Variants in DCLK2 observed in about 807,000 individuals in gnomAD.
The protein encoded by DCLK2 is serine/threonine-protein kinase DCLK2.
In DCLK2, 31 loss-of-function variants were observed where a neutral mutation model predicts 78.4. The ratio of observed to expected loss-of-function variants is 0.40; its 90% CI spans 0.30 to 0.53. DCLK2 has a LOEUF of 0.53. Among genes scored for constraint, DCLK2 ranks in the 20% least tolerant of loss-of-function variants. DCLK2 has a pLI of 0.61. For missense variants in DCLK2, 872 were observed against 973.7 expected (o/e 0.90, Z 1.39); for synonymous variants, 407 against 374.9 (o/e 1.09, Z -0.99).
intron 1 of DCLK2, among the ~76,000 whole-genome samples, chr4:150,085,709 C>T (rs1254586417): frequency 1.3e-5 from 2 of 152,176 alleles, no homozygotes; most frequent in Admixed American, 6.5e-5. Flanking sequence ...CCCCTTCTAG[C>T]ATGTGAGGAT....
In DCLK2 at chr4:150,101,563, A is replaced by G. The variant is rs138800932; in HGVS notation, c.422-915A>G. On this transcript the variant is annotated intron_variant, in intron 1 of 15. Coordinates refer to ENST00000296550, the MANE Select transcript of DCLK2 (RefSeq NM_001040260.4). ...AGAAAAACCTTAGTATAACCCTCTT[A>G]TCTTGTATGTCAAAAAGTCAAGAGT... Among the ~76,000 whole-genome samples, 1,024 of 152,212 alleles carry G rather than the reference A, an allele frequency of 6.7e-3. 11 individuals carry two copies. Among genetic ancestry groups the G allele is most frequent in the Middle Eastern group, 0.042 (12 of 288 alleles).
chr4:150,088,120 G>T (rs1460172628), intron 1 of DCLK2, among the ~76,000 whole-genome samples: 1 of 152,130 alleles, frequency 6.6e-6, no homozygotes, highest in African/African-American at 2.4e-5. Context: ...TGATGTCCTT[G>T]CTCATCATCT....
At chr4:150,104,394 T>TAAAAAAAAAAAA (rs34276664) in intron 2 of DCLK2, among the ~76,000 whole-genome samples, 433 of 29,744 alleles carry the variant, frequency 0.015, 54 homozygotes, top group Non-Finnish European at 0.018. Context: ...CCACATCTCC[T>TAAAAAAAAAAAA]AAAAAAAAAA....
rs975956034 is a variant in DCLK2, at chr4:150,257,361, A to G, written c.*1114A>G. The G allele has an allele frequency of 2.0e-5, 3 of 152,608 alleles. No homozygotes were observed. The highest frequency in any genetic ancestry group is 4.8e-5 in the African/African-American group (2 of 41,452). 9.5% of individuals were successfully genotyped at this position (152,608 alleles called of 1,614,324 possible). ...CTCATCTTCTAAACTGGCGAGCCCT[A>G]TAGTTCGTTCTCATTGTTAGATTTT... On this transcript the variant is annotated 3_prime_UTR_variant, in exon 16 of 16. Transcript: ENST00000296550.
chr4:150,156,167 G>A (rs1203841734), intron 2 of DCLK2, among the ~76,000 whole-genome samples: 1 of 152,124 alleles, frequency 6.6e-6, no homozygotes, highest in Non-Finnish European at 1.5e-5. Flanking sequence ...GGATGATGGT[G>A]CAAAAGCCGT....
chr4:150,203,034 G>C (rs566722259), intron 4 of DCLK2, among the ~76,000 whole-genome samples: 15 of 152,100 alleles, frequency 9.9e-5, no homozygotes, highest in Admixed American at 2.6e-4. Flanking sequence ...TGGGGGAAAG[G>C]TTCATTTGCA....
At chr4:150,147,591 A>G (rs1287019005) in intron 2 of DCLK2, among the ~76,000 whole-genome samples, 1 of 152,196 alleles carries the variant, frequency 6.6e-6, no homozygotes, top group African/African-American at 2.4e-5. Context: ...AATCGTGACC[A>G]CTGTCATTCC....
chr4:150,145,637 G>GT (rs1734417624), intron 2 of DCLK2, among the ~76,000 whole-genome samples: 2 of 152,182 alleles, frequency 1.3e-5, no homozygotes, highest in South Asian at 4.1e-4. Flanking sequence ...CATTGCATTA[G>GT]GTGGTTAGAT....
chr4:150,102,466 T>A lies in DCLK2; in HGVS notation c.422-12T>A. On this transcript the variant is annotated splice_polypyrimidine_tract_variant and intron_variant, in intron 1 of 15. Transcript: ENST00000296550. The stretch of plus-strand genomic sequence containing the variant: ...GATAATCATGCTAATAAAATCAAAT[T>A]TTGCTTTTTAGGTGAGAGTTACGTG... The A allele has an allele frequency of 6.2e-7, 1 of 1,604,590 alleles. No homozygotes were observed.
chr4:150,137,789 G>A (rs1176432680), intron 2 of DCLK2, among the ~76,000 whole-genome samples: 1 of 152,114 alleles, frequency 6.6e-6, no homozygotes, highest in East Asian at 1.9e-4. Flanking sequence ...TTTTTATAGG[G>A]TTTCAAATGA....
At chr4:150,240,714 C>G (rs1185423062) in intron 12 of DCLK2, among the ~76,000 whole-genome samples, 1 of 125,510 alleles carries the variant, frequency 8.0e-6, no homozygotes, top group Non-Finnish European at 1.6e-5. Context: ...CTAACCTGCA[C>G]AATGTGCACA....
intron 3 of DCLK2, among the ~76,000 whole-genome samples, chr4:150,195,601 A>G (rs1349958137): frequency 7.1e-6 from 1 of 140,024 alleles, no homozygotes; most frequent in Non-Finnish European, 1.5e-5. Context: ...CTGAAACTAA[A>G]TATGTTCTGG....
chr4:150,147,110 C>T (rs1312780494), intron 2 of DCLK2, among the ~76,000 whole-genome samples: 1 of 151,692 alleles, frequency 6.6e-6, no homozygotes, highest in African/African-American at 2.4e-5. Flanking sequence ...ATAGTGAGGC[C>T]TGTTTCTACC....
chr4:150,173,761 G>T (rs985559768), intron 2 of DCLK2, among the ~76,000 whole-genome samples: 35 of 152,150 alleles, frequency 2.3e-4, no homozygotes, highest in African/African-American at 8.0e-4. Context: ...GAAACTTCAT[G>T]AATTTTAATA....
intron 2 of DCLK2, among the ~76,000 whole-genome samples, chr4:150,162,798 G>A (rs570417427): frequency 1.5e-4 from 23 of 152,024 alleles, no homozygotes; most frequent in Non-Finnish European, 2.2e-4. Flanking sequence ...GGCCTTCCTT[G>A]CTGTACGTAC....
At chr4:150,132,103 G>T (rs1466856125) in intron 2 of DCLK2, among the ~76,000 whole-genome samples, 1 of 151,640 alleles carries the variant, frequency 6.6e-6, no homozygotes, top group Middle Eastern at 3.2e-3. Flanking sequence ...GCATAGAAGG[G>T]CTGCCTTGCC....
At chr4:150,134,319 T>A (rs1269493499) in intron 2 of DCLK2, among the ~76,000 whole-genome samples, 1 of 152,048 alleles carries the variant, frequency 6.6e-6, no homozygotes, top group African/African-American at 2.4e-5. Context: ...TGACCTCAGG[T>A]GATCCACCTG....
At chr4:150,134,862 T>G (rs1733581672) in intron 2 of DCLK2, among the ~76,000 whole-genome samples, 1 of 152,140 alleles carries the variant, frequency 6.6e-6, no homozygotes. Flanking sequence ...GAGACTGATG[T>G]GTTTTTTATT....
intron 2 of DCLK2, among the ~76,000 whole-genome samples, chr4:150,121,501 T>C (rs530230033): frequency 6.6e-6 from 1 of 152,332 alleles, no homozygotes; most frequent in African/African-American, 2.4e-5. Flanking sequence ...CACTTCTAAT[T>C]CTAGTTCTCT....
Sources: allele counts gnomAD v4.1 joint callset (sites outside exome capture counted in the v4.1 genomes callset), GRCh38; gene constraint gnomAD v4.1.1; transcripts MANE v1.5; gene names NCBI Gene and HGNC (gene_info 2026-07-23, HGNC 2026-07-21).